JAKMIP1: variants seen among roughly 807,000 people sequenced by gnomAD.
JAKMIP1 encodes the protein janus kinase and microtubule interacting protein 1, also known as janus kinase and microtubule-interacting protein 1.
Under a neutral mutation model 113.0 loss-of-function variants are expected in JAKMIP1, and 33 were observed. The ratio of observed to expected loss-of-function variants is 0.29; its 90% CI spans 0.22 to 0.39. The LOEUF (loss-of-function observed/expected upper bound fraction) is 0.39, where lower values mean the gene tolerates loss of function less well. Among genes scored for constraint, JAKMIP1 ranks in the 10% least tolerant of loss-of-function variants. The pLI, the probability that JAKMIP1 is intolerant of heterozygous loss-of-function variation, is 1.00. For synonymous variants in JAKMIP1, 480 were observed against 459.9 expected, an observed-to-expected ratio of 1.04 and a Z score of -0.56; for missense variants, 813 against 1,080.5, an observed-to-expected ratio of 0.75 and a Z score of 3.47.
In JAKMIP1 at chr4:6,040,792, G is replaced by A. The variant is rs572605339; in HGVS notation, c.2098-76C>T. 8.7e-7 allele frequency: 1 copy of A among 1,151,892 alleles called. No homozygotes were observed. The highest frequency in any genetic ancestry group is 1.3e-5 in the South Asian group (1 of 78,020). 71.4% of individuals were successfully genotyped at this position (1,151,892 alleles called of 1,614,324 possible). ...TGACAGCTTCAGAGCCCGTTTGCTA[G>A]AGAGTGGCAGTCTCACCGAATTGGG... On this transcript the variant is annotated intron_variant, in intron 17 of 20. Coordinates refer to ENST00000409021, the MANE Select transcript of JAKMIP1 (RefSeq NM_001099433.2). The surrounding 1 kb of genome is among the most constrained non-coding windows in gnomAD (Gnocchi z 5.8).
At chr4:6,101,890 A>T (rs1457351221) in intron 3 of JAKMIP1, among the ~76,000 whole-genome samples, 6 of 134,564 alleles carry the variant, frequency 4.5e-5, no homozygotes, top group African/African-American at 1.7e-4. Flanking sequence ...TGAGCAACAG[A>T]GCAAGACTCA....
At chr4:6,165,283 GT>G (rs1233926512) in intron 1 of JAKMIP1, among the ~76,000 whole-genome samples, 4 of 152,168 alleles carry the variant, frequency 2.6e-5, no homozygotes, top group African/African-American at 4.8e-5. Context: ...AGCTAAAGTT[GT>G]TTTGTTTTAT....
rs140361895 is a variant in JAKMIP1, at chr4:6,178,067, G to A, written c.-148+22186C>T. On this transcript the variant is annotated intron_variant, in intron 1 of 20. Coordinates refer to ENST00000409021, the MANE Select transcript of JAKMIP1 (RefSeq NM_001099433.2). The surrounding 1 kb of genome is among the most constrained non-coding windows in gnomAD (Gnocchi z 5.5). The stretch of plus-strand genomic sequence containing the variant: ...CCTGTCCAGCCCCTAACCCCGCCTC[G>A]TTGGCCACGCCCACTTCATGCTTCC... Among the ~76,000 whole-genome samples the A allele has an allele frequency of 4.1e-3, 624 of 152,158 alleles. No individual in the cohort carries two copies. Among genetic ancestry groups the A allele is most frequent in the Non-Finnish European group, 6.7e-3 (455 of 67,998 alleles).
In JAKMIP1 at chr4:6,044,811, A is replaced by G. The variant is rs1183758873; in HGVS notation, c.2029-2584T>C. Among the ~76,000 whole-genome samples, 1 of 152,190 alleles carries G rather than the reference A, an allele frequency of 6.6e-6. No homozygotes were observed. The highest frequency in any genetic ancestry group is 1.5e-5 in the Non-Finnish European group (1 of 68,034). ...AAAGCAGAGAGAGCTGGCCATGAGG[A>G]CCCCCGACCACGTGAGATCAGAAAT... On this transcript the variant is annotated intron_variant, in intron 16 of 20. Transcript: ENST00000409021. The surrounding 1 kb of genome is among the most constrained non-coding windows in gnomAD (Gnocchi z 4.4).
intron 1 of JAKMIP1, among the ~76,000 whole-genome samples, chr4:6,121,779 T>C (rs1418739365): frequency 6.6e-6 from 1 of 152,242 alleles, no homozygotes; most frequent in East Asian, 1.9e-4. Flanking sequence ...AATTTTCCAA[T>C]TTGTATACAT....
chr4:6,128,975 C>T (rs1302612964), intron 1 of JAKMIP1, among the ~76,000 whole-genome samples: 2 of 152,244 alleles, frequency 1.3e-5, no homozygotes, highest in East Asian at 3.9e-4. Flanking sequence ...ACCCGGGCGT[C>T]GGGTCCACTT....
At position 6,076,401 on chromosome 4, in the gene JAKMIP1, T is replaced by TTA. The variant is rs111391477; in HGVS notation, c.1302+2536_1302+2537dup. Among the ~76,000 whole-genome samples, 79,898 of 150,474 alleles carry TTA rather than the reference T, an allele frequency of 0.53. 22,219 individuals are homozygous for TTA. Among genetic ancestry groups the TTA allele is most frequent in the Non-Finnish European group, 0.64 (43,307 of 67,550 alleles). On this transcript the variant is annotated intron_variant, in intron 8 of 20. Coordinates refer to ENST00000409021, the MANE Select transcript of JAKMIP1 (RefSeq NM_001099433.2). This position sits in a 1 kb window ranked among gnomAD's most constrained non-coding sequence, Gnocchi z 4.8. Reference sequence around the variant, plus strand: ...TAATTTTTCTCTGAGTTTTTCTATATTATATATATATATGTCTTCTGTAGC... The same window carrying TTA: ...TAATTTTTCTCTGAGTTTTTCTATATTATATATATATATATGTCTTCTGTAGC...
intron 1 of JAKMIP1, among the ~76,000 whole-genome samples, chr4:6,151,499 C>A (rs535990630): frequency 6.6e-6 from 1 of 152,200 alleles, no homozygotes; most frequent in South Asian, 2.1e-4. Flanking sequence ...GCTTGCTTAC[C>A]CACCATTCTC....
At chr4:6,170,633 C>CAT (rs1724456187) in intron 1 of JAKMIP1, among the ~76,000 whole-genome samples, 1 of 149,248 alleles carries the variant, frequency 6.7e-6, no homozygotes, top group African/African-American at 2.5e-5. Context: ...AACATCAACA[C>CAT]CATCACCTCT....
At chr4:6,039,252 G>A (rs975037697) in intron 18 of JAKMIP1, among the ~76,000 whole-genome samples, 15 of 152,162 alleles carry the variant, frequency 9.9e-5, no homozygotes, top group Non-Finnish European at 1.6e-4. Flanking sequence ...AAGGTGTTCC[G>A]AAGTGTGTTT....
At chr4:6,039,529 G>T (rs569728906) in intron 18 of JAKMIP1, among the ~76,000 whole-genome samples, 18 of 152,232 alleles carry the variant, frequency 1.2e-4, no homozygotes, top group African/African-American at 4.3e-4. Flanking sequence ...CAGCCTGCAG[G>T]GTGTTTTCAA....
At chr4:6,166,231 A>T (rs1723613990) in intron 1 of JAKMIP1, among the ~76,000 whole-genome samples, 1 of 152,220 alleles carries the variant, frequency 6.6e-6, no homozygotes, top group African/African-American at 2.4e-5. Flanking sequence ...GTAAAAGCCA[A>T]CCTATCTGAA....
intron 11 of JAKMIP1, among the ~76,000 whole-genome samples, chr4:6,058,868 T>C (rs946505619): frequency 1.3e-5 from 2 of 152,226 alleles, no homozygotes; most frequent in African/African-American, 4.8e-5. Context: ...ATATGTGGGC[T>C]CAGCCTGGAA....
rs913265638 is a variant in JAKMIP1, at chr4:6,129,016, G to A, written c.-147-16019C>T. Among the ~76,000 whole-genome samples, 8 of 152,186 alleles carry A rather than the reference G, an allele frequency of 5.3e-5. No homozygotes were observed. The highest frequency in any genetic ancestry group is 1.9e-4 in the African/African-American group (8 of 41,454). On this transcript the variant is annotated intron_variant, in intron 1 of 20. Transcript: ENST00000409021. This position sits in a 1 kb window ranked among gnomAD's most constrained non-coding sequence, Gnocchi z 5.4. ...CTTCAGAGCTCCTTCCACACCATCA[G>A]GTTTAGTTGAATCTCCAGTACCAGG...
In JAKMIP1 at chr4:6,080,487, G is replaced by A. The variant is rs745759691; in HGVS notation, c.1102-175C>T. The stretch of plus-strand genomic sequence containing the variant: ...CCACCCAAATCTCATCTTGAATTGC[G>A]GCTCCCAGAACTCCCGTGTGTTGTG... On this transcript the variant is annotated intron_variant, in intron 6 of 20. Transcript: ENST00000409021. The surrounding 1 kb of genome is among the most constrained non-coding windows in gnomAD (Gnocchi z 6.0). Among the ~76,000 whole-genome samples the A allele has an allele frequency of 1.2e-4, 19 of 152,066 alleles. No homozygotes were observed. The highest frequency in any genetic ancestry group is 2.6e-4 in the Non-Finnish European group (18 of 68,024).
chr4:6,098,686 AAG>A (rs1268451943), intron 3 of JAKMIP1, among the ~76,000 whole-genome samples: 6 of 7,658 alleles, frequency 7.8e-4, no homozygotes, highest in Admixed American at 3.0e-3. Context: ...GAAAGAAAGA[AAG>A]AAAGAAAGAA....
At chr4:6,120,127 G>C (rs865882309) in intron 1 of JAKMIP1, among the ~76,000 whole-genome samples, 3 of 151,390 alleles carry the variant, frequency 2.0e-5, no homozygotes, top group Non-Finnish European at 4.4e-5. Flanking sequence ...GGTTGGTAGA[G>C]TCAAATCCTT....
At position 6,105,927 on chromosome 4, in the gene JAKMIP1, T is replaced by C. The variant is rs777634718; in HGVS notation, c.170A>G (p.Glu57Gly). 1 of 1,609,768 alleles carries C rather than the reference T, an allele frequency of 6.2e-7. No individual in the cohort carries two copies. Among genetic ancestry groups the C allele is most frequent in the South Asian group, 1.1e-5 (1 of 90,966 alleles). The change falls in exon 3 of 21, where the codon GAG becomes GGG. Residue 57 changes from glutamate (E) to glycine (G), a missense_variant. By Grantham distance (98) the Glu-to-Gly change is moderately conservative. This residue lies in a region of JAKMIP1 where 540 missense variants were observed against 653.9 expected (regional missense o/e 0.83). Coordinates refer to ENST00000409021, the MANE Select transcript of JAKMIP1 (RefSeq NM_001099433.2). ...LRERLQEAKLEREQEQRRHTA... is the reference protein window; with the variant it reads ...LRERLQEAKLGREQEQRRHTA... Reference sequence around the variant, plus strand: ...GTGCCGTCGCTGCTCCTGCTCGCGCTCCAGCTTCGCCTCCTGCAGCCGCTC... The same window carrying C: ...GTGCCGTCGCTGCTCCTGCTCGCGCCCCAGCTTCGCCTCCTGCAGCCGCTC...
rs1716049928 is a variant in JAKMIP1, at chr4:6,117,787, G to A, written c.-147-4790C>T. On this transcript the variant is annotated intron_variant, in intron 1 of 20. Coordinates refer to ENST00000409021, the MANE Select transcript of JAKMIP1 (RefSeq NM_001099433.2). ...ATTCTCTTTCTCAGGGACGTTCCAT[G>A]CTGAGAAAAGGAATTCAGCGATATT... Among the ~76,000 whole-genome samples the A allele has an allele frequency of 2.0e-5, 3 of 152,150 alleles. No homozygotes were observed. The South Asian group carries it at 6.2e-4, about 32-fold the overall frequency.
Sources: gnomAD v4.1 joint callset for allele counts (sites outside exome capture counted in the v4.1 genomes callset) on GRCh38, gnomAD v4.1.1 for gene constraint, gnomAD v4.1.1 regional missense constraint, Gnocchi (gnomAD v3.1) non-coding constraint, MANE v1.5 for transcripts, NCBI Gene and HGNC (gene_info 2026-07-23, HGNC 2026-07-21) for gene names.